Variants in SKOR2 observed in about 807,000 individuals in gnomAD.
SKOR2 encodes SKI family transcriptional corepressor 2.
A neutral mutation model predicts 69.1 loss-of-function variants in SKOR2; 47 were observed. That is an observed-to-expected ratio of 0.68 (90% CI 0.54 to 0.87). SKOR2 has a LOEUF of 0.87. Among genes scored for constraint, SKOR2 ranks in the 40% least tolerant of loss-of-function variants. SKOR2 has a pLI of 0.00. For missense variants in SKOR2, 1,404 were observed against 1,472.2 expected, an observed-to-expected ratio of 0.95 and a Z score of 0.76; for synonymous variants, 717 against 672.6, an observed-to-expected ratio of 1.07 and a Z score of -1.02.
chr18:47,222,759 T>C (rs571033122), intron 6 of SKOR2, among the ~76,000 whole-genome samples: 3 of 152,346 alleles, frequency 2.0e-5, no homozygotes, highest in Non-Finnish European at 4.4e-5. Flanking sequence ...CCGACCAGGC[T>C]GGAGCACTTC....
At chr18:47,244,785 A>C in intron 4 of SKOR2, 123 bp downstream of exon 4, 1 of 808,086 alleles carries the variant, frequency 1.2e-6, no homozygotes, top group Non-Finnish European at 1.8e-6. Context: ...TTTCTTAGTT[A>C]TATCTACTAG....
At chr18:47,245,048 A>G (rs1045141974) in intron 3 of SKOR2, 66 bp from the exon 4 acceptor site, 2 of 1,132,446 alleles carry the variant, frequency 1.8e-6, no homozygotes, top group Admixed American at 2.8e-5. Context: ...CAAAGATCCA[A>G]TTTTTTTTTT....
intron 7 of SKOR2, among the ~76,000 whole-genome samples, chr18:47,215,624 A>G (rs1398119976): frequency 6.6e-6 from 1 of 152,204 alleles, no homozygotes; most frequent in Non-Finnish European, 1.5e-5. Context: ...TGAACAAAAC[A>G]TTAGTCCTTA....
At chr18:47,242,445 G>C (rs543045713) in intron 4 of SKOR2, among the ~76,000 whole-genome samples, 1 of 152,182 alleles carries the variant, frequency 6.6e-6, no homozygotes, top group African/African-American at 2.4e-5. Context: ...GGAAATTAAA[G>C]TTCCTAAAAG....
chr18:47,208,253 A>C (rs2064118634), intron 8 of SKOR2, among the ~76,000 whole-genome samples: 1 of 152,234 alleles, frequency 6.6e-6, no homozygotes, highest in Non-Finnish European at 1.5e-5. Context: ...TGTATCTGTC[A>C]CTTAAGAGCT....
chr18:47,227,372 G>C (rs756064447), intron 6 of SKOR2, among the ~76,000 whole-genome samples: 132 of 117,450 alleles, frequency 1.1e-3, no homozygotes, highest in Admixed American at 2.8e-3. Flanking sequence ...GAGTCTCCCT[G>C]TGTTGTCCAG....
At chr18:47,249,695 AC>A (rs1321539704) in intron 1 of SKOR2, among the ~76,000 whole-genome samples, 1 of 152,060 alleles carries the variant, frequency 6.6e-6, no homozygotes, top group Admixed American at 6.6e-5. Context: ...TTAAAAAGTA[AC>A]CCCCAAAACC....
At chr18:47,225,647 C>T (rs1482659817) in intron 6 of SKOR2, among the ~76,000 whole-genome samples, 1 of 152,124 alleles carries the variant, frequency 6.6e-6, no homozygotes, top group Non-Finnish European at 1.5e-5. Context: ...ATGAACACAA[C>T]AGGACTTCAG....
intron 8 of SKOR2, among the ~76,000 whole-genome samples, chr18:47,210,244 A>G (rs1335547312): frequency 1.3e-5 from 2 of 152,162 alleles, no homozygotes; most frequent in Non-Finnish European, 2.9e-5. Flanking sequence ...GCTGGGCAAG[A>G]GCACAAGGTT....
Position 47,247,736 on chromosome 18 carries a change from G to T in SKOR2, c.1448C>A (p.Thr483Asn). 1.5e-6 allele frequency: 2 copies of T among 1,366,080 alleles called. No homozygotes were observed. Among genetic ancestry groups the T allele is most frequent in the Non-Finnish European group, 1.9e-6 (2 of 1,070,518 alleles). 84.6% of individuals were successfully genotyped at this position (1,366,080 alleles called of 1,614,324 possible). A position where few individuals can be genotyped will look rare whatever the true frequency, so the allele number is the denominator to read the frequency against. ...PRTPGGLPVP[T>N]YLQPPPQPPS... ...CGGCTGAGGCGGGGGCTGCAGGTAG[G>T]TGGGCACCGGGAGCCCGCCAGGGGT... The change falls in exon 2 of 9, where the codon ACC (threonine) becomes AAC (asparagine). Residue 483 changes from threonine (T) to asparagine (N), a missense_variant. Physicochemically the swap from Thr to Asn is moderately conservative, Grantham distance 65 (BLOSUM62 0). Coordinates refer to ENST00000425639, the MANE Select transcript of SKOR2 (RefSeq NM_001278063.4). The surrounding 1 kb of genome is among the most constrained non-coding windows in gnomAD (Gnocchi z 6.6).
rs1568081503 is a variant in SKOR2, at chr18:47,206,507, G to A, written c.*389C>T. The A allele has an allele frequency of 6.6e-6, 1 of 152,114 alleles. No homozygotes were observed. The highest frequency in any genetic ancestry group is 1.5e-5 in the Non-Finnish European group (1 of 68,058). 9.4% of individuals were successfully genotyped at this position (152,114 alleles called of 1,614,324 possible). A position where few individuals can be genotyped will look rare whatever the true frequency, so the allele number is the denominator to read the frequency against. On this transcript the variant is annotated 3_prime_UTR_variant, in exon 9 of 9. Coordinates refer to ENST00000425639, the MANE Select transcript of SKOR2 (RefSeq NM_001278063.4). ...TTCAAAAAGAGAAGACAGTTTTGTA[G>A]AGTTGCTTTCTCCATGTGTGCAGGA... is the stretch of plus-strand genomic sequence containing the variant.
chr18:47,245,423 G>C, intron 3 of SKOR2, 75 bp downstream of exon 3: 9 of 1,326,682 alleles, frequency 6.8e-6, no homozygotes, highest in Non-Finnish European at 8.9e-6. Flanking sequence ...AGGTGAGGAG[G>C]CTGGGCATAA....
intron 8 of SKOR2, among the ~76,000 whole-genome samples, chr18:47,211,759 C>T (rs905571389): frequency 2.6e-5 from 4 of 152,192 alleles, no homozygotes; most frequent in African/African-American, 9.7e-5. Flanking sequence ...AGGATGACTG[C>T]TGACACTTTG....
Position 47,244,990 on chromosome 18 carries a change from C to G in SKOR2, c.2678-8G>C. 1 of 1,529,130 alleles carries G rather than the reference C, an allele frequency of 6.5e-7. No individual in the cohort carries two copies. Among genetic ancestry groups the G allele is most frequent in the Non-Finnish European group, 8.7e-7 (1 of 1,143,904 alleles). The allele number at this position is 1,529,130 out of a possible 1,614,324, so 94.7% of individuals were successfully genotyped here. On this transcript the variant is annotated splice_region_variant and splice_polypyrimidine_tract_variant and intron_variant, in intron 3 of 8. Transcript: ENST00000425639. The stretch of plus-strand genomic sequence containing the variant: ...TATGCTCCTTGTTCTTATCTAGAAC[C>G]AAAACAAAACACAAAATCTGCAAGT...
chr18:47,227,326 ATTTT>A (rs778462203), intron 6 of SKOR2, among the ~76,000 whole-genome samples: 7 of 91,124 alleles, frequency 7.7e-5, no homozygotes, highest in Non-Finnish European at 1.2e-4. Flanking sequence ...CAAGAAGCCA[ATTTT>A]TTTTTTTTTT....
intron 8 of SKOR2, among the ~76,000 whole-genome samples, chr18:47,207,688 T>C (rs1315129913): frequency 6.6e-6 from 1 of 152,210 alleles, no homozygotes; most frequent in Non-Finnish European, 1.5e-5. Flanking sequence ...CTCTTTATCT[T>C]TGATCTATAC....
Position 47,248,642 on chromosome 18 carries a change from A to C in SKOR2, c.542T>G (p.Phe181Cys). 6.4e-7 allele frequency: 1 copy of C among 1,562,306 alleles called. No individual in the cohort carries two copies. The highest frequency in any genetic ancestry group is 8.6e-7 in the Non-Finnish European group (1 of 1,159,480). ...GTGGAAAATGAACTTGTTGGGCGAG[A>C]AGTACATGTTGCAGTAGCTGCATTT... ...CIKCSYCNMY[F>C]SPNKFIFHSH... is the part of the protein sequence containing the mutation. Residue 181 changes from phenylalanine (F) to cysteine (C), a missense_variant, in exon 2 of 9, where the codon TTC becomes TGC. Coordinates refer to ENST00000425639, the MANE Select transcript of SKOR2 (RefSeq NM_001278063.4). This position sits in a 1 kb window ranked among gnomAD's most constrained non-coding sequence, Gnocchi z 6.4.
intron 4 of SKOR2, among the ~76,000 whole-genome samples, chr18:47,237,708 T>TC (rs1350550723): frequency 1.3e-5 from 2 of 151,504 alleles, no homozygotes; most frequent in East Asian, 1.9e-4. Flanking sequence ...TCTTTTTTTT[T>TC]TTTTTTTGAG....
intron 4 of SKOR2, among the ~76,000 whole-genome samples, chr18:47,244,264 T>A (rs2064261353): frequency 6.6e-6 from 1 of 152,168 alleles, no homozygotes; most frequent in Admixed American, 6.5e-5. Context: ...GATAACAACC[T>A]CGTTTGACAG....
Sources: gnomAD v4.1 joint callset for allele counts (sites outside exome capture counted in the v4.1 genomes callset) on GRCh38, gnomAD v4.1.1 for gene constraint, Gnocchi (gnomAD v3.1) non-coding constraint, MANE v1.5 for transcripts, NCBI Gene and HGNC (gene_info 2026-07-23, HGNC 2026-07-21) for gene names.